The following PHACTR2 variants were observed in gnomAD, a reference collection of about 807,000 sequenced individuals.
The protein encoded by PHACTR2 is phosphatase and actin regulator 2.
Under a neutral mutation model 76.0 loss-of-function variants are expected in PHACTR2, and 30 were observed. That is an observed-to-expected ratio of 0.39 (90% confidence interval 0.30 to 0.54). The LOEUF is 0.54. Ranked by LOEUF, PHACTR2 falls within the 20% of genes least tolerant of loss-of-function variation. PHACTR2 has a pLI of 0.61. For synonymous variants in PHACTR2, 292 were observed against 292.5 expected (o/e 1.00, Z 0.02); for missense variants, 696 against 781.1 (o/e 0.89, Z 1.30).
rs1186375439 is a variant in PHACTR2, at chr6:143,658,182, G to T, written c.13+49860G>T. 6.6e-6 allele frequency among the ~76,000 whole-genome samples: 1 copy of T among 152,104 alleles called. No homozygotes were observed. The highest frequency in any genetic ancestry group is 6.6e-5 in the Admixed American group (1 of 15,264). On this transcript the variant is annotated intron_variant, in intron 1 of 11. Transcript: ENST00000305766. The surrounding 1 kb of genome is among the most constrained non-coding windows in gnomAD (Gnocchi z 4.1). ...AGTAGAATTTCTGAGTCATAGGGTA[G>T]GTGTATGTTTAACATTACAGAAACT...
Position 143,687,613 on chromosome 6 carries a change from A to G in PHACTR2, c.46+9404A>G, listed in dbSNP as rs75304349. Among the ~76,000 whole-genome samples, 236 of 152,348 alleles carry G rather than the reference A, an allele frequency of 1.5e-3. 3 individuals carry two copies. In the East Asian group the frequency reaches 0.024, roughly 15 times the overall value. ...GAATGGGCAAATCACATTACTTGCT[A>G]AAAGGTCGGTCTAACCATTATCATT... On this transcript the variant is annotated intron_variant, in intron 1 of 12. Transcript: ENST00000440869.
At position 143,689,062 on chromosome 6, in the gene PHACTR2, A is replaced by G. The variant is rs1312091516; in HGVS notation, c.46+10853A>G. ...AAACAAGCCTGGATCAGTCCCACCC[A>G]TGGACCTTGGCCGTTGCTGCACCCT... On this transcript the variant is annotated intron_variant, in intron 1 of 12. Coordinates refer to ENST00000440869, the MANE Select transcript of PHACTR2 (RefSeq NM_001100164.2). This position sits in a 1 kb window ranked among gnomAD's most constrained non-coding sequence, Gnocchi z 4.4. 6.6e-6 allele frequency among the ~76,000 whole-genome samples: 1 copy of G among 151,994 alleles called. No individual in the cohort carries two copies. Among genetic ancestry groups the G allele is most frequent in the Non-Finnish European group, 1.5e-5 (1 of 67,980 alleles).
At chr6:143,587,937 C>T (rs1775646728) in intron 1 of PHACTR2, among the ~76,000 whole-genome samples, 1 of 151,882 alleles carries the variant, frequency 6.6e-6, no homozygotes, top group South Asian at 2.1e-4. Context: ...TGCTTGAGTT[C>T]GGGAAGCAGT....
intron 1 of PHACTR2, among the ~76,000 whole-genome samples, chr6:143,559,714 T>C (rs1582670383): frequency 7.6e-6 from 1 of 130,886 alleles, no homozygotes; most frequent in African/African-American, 2.9e-5. Flanking sequence ...TTTTTTTTTT[T>C]TTTTTTTTTT....
rs917446424 is a variant in PHACTR2, at chr6:143,829,151, T to A, written c.*5462T>A. The A allele has an allele frequency of 4.6e-5, 7 of 150,756 alleles. No individual in the cohort carries two copies. Among genetic ancestry groups the A allele is most frequent in the African/African-American group, 1.7e-4 (7 of 40,998 alleles). 9.3% of individuals were successfully genotyped at this position (150,756 alleles called of 1,614,324 possible). A position where few individuals can be genotyped will look rare whatever the true frequency, so the allele number is the denominator to read the frequency against. On this transcript the variant is annotated 3_prime_UTR_variant, in exon 13 of 13. Transcript: ENST00000440869. ...CCTATATATATATACTTAAAGTCCC[T>A]ATATATACTTAAAGGAGAGATCATA...
intron 2 of PHACTR2, among the ~76,000 whole-genome samples, chr6:143,725,709 C>A (rs1055139379): frequency 6.6e-6 from 1 of 151,924 alleles, no homozygotes; most frequent in Admixed American, 6.5e-5. Context: ...CGCCTGTAAT[C>A]CCAGCTACTG....
chr6:143,770,422 G>A (rs1775075191), intron 6 of PHACTR2, among the ~76,000 whole-genome samples: 1 of 152,192 alleles, frequency 6.6e-6, no homozygotes, highest in Non-Finnish European at 1.5e-5. Flanking sequence ...GAAGATGGTT[G>A]GTGGTGGTAG....
rs116401337 is a variant in PHACTR2 at position 143,738,857 on chromosome 6, C to T, written c.215-10128C>T. ...AAGATTTCTTTTCTATCTAATCTTG[C>T]TTGCTGTTGACTGATGAAATGAGAT... On this transcript the variant is annotated intron_variant, in intron 2 of 12. Transcript: ENST00000440869. The surrounding 1 kb of genome is among the most constrained non-coding windows in gnomAD (Gnocchi z 4.0). 0.01 allele frequency among the ~76,000 whole-genome samples: 1,542 copies of T among 152,192 alleles called. 14 individuals carry two copies. Among genetic ancestry groups the T allele is most frequent in the Middle Eastern group, 0.034 (10 of 294 alleles).
Position 143,550,966 on chromosome 6 carries a change from A to G in PHACTR2, c.217+13759A>G, listed in dbSNP as rs1775086721. Among the ~76,000 whole-genome samples the G allele has an allele frequency of 6.6e-6, 1 of 151,952 alleles. No homozygotes were observed. Among genetic ancestry groups the G allele is most frequent in the Non-Finnish European group, 1.5e-5 (1 of 67,938 alleles). On this transcript the variant is annotated intron_variant, in intron 1 of 11. Coordinates refer to the PHACTR2 transcript ENST00000367584. The surrounding 1 kb of genome is among the most constrained non-coding windows in gnomAD (Gnocchi z 4.8). ...GGCAGGAGGATCACTTGAGCCTGGG[A>G]GGTTGAGACTACATGAACCATGATT... is the stretch of plus-strand genomic sequence containing the variant.
upstream of PHACTR2, among the ~76,000 whole-genome samples, chr6:143,677,099 A>C (rs943828655): frequency 2.6e-5 from 4 of 152,350 alleles, no homozygotes. Flanking sequence ...TGCCTTCAGC[A>C]AAGTGCACAC....
At position 143,816,970 on chromosome 6, in the gene PHACTR2, G is replaced by T. The variant is rs1035001877; in HGVS notation, c.1923-6704G>T. ...ATTCCCAGCTACTTGGGAGGCTGAG[G>T]CAGGAGAATCTCTTGAATCCAGGAG... On this transcript the variant is annotated intron_variant, in intron 12 of 12. Transcript: ENST00000440869. The surrounding 1 kb of genome is among the most constrained non-coding windows in gnomAD (Gnocchi z 4.5). Among the ~76,000 whole-genome samples the T allele has an allele frequency of 3.9e-5, 6 of 152,142 alleles. No homozygotes were observed. Among genetic ancestry groups the T allele is most frequent in the African/African-American group, 1.4e-4 (6 of 41,454 alleles).
chr6:143,567,366 T>C (rs1775378251), intron 1 of PHACTR2, among the ~76,000 whole-genome samples: 1 of 152,128 alleles, frequency 6.6e-6, no homozygotes, highest in Non-Finnish European at 1.5e-5. Context: ...CTTTGATTTT[T>C]ATTATTTATT....
intron 1 of PHACTR2, among the ~76,000 whole-genome samples, chr6:143,576,294 T>G (rs1047401785): frequency 6.6e-6 from 1 of 152,216 alleles, no homozygotes; most frequent in Non-Finnish European, 1.5e-5. Context: ...CTTTGGAAGG[T>G]CTCTCTTCTC....
At chr6:143,568,032 T>A (rs999429686) in intron 1 of PHACTR2, among the ~76,000 whole-genome samples, 2 of 152,216 alleles carry the variant, frequency 1.3e-5, no homozygotes, top group Non-Finnish European at 2.9e-5. Context: ...AATTTTACCC[T>A]TTCTAAATTC....
chr6:143,593,757 G>A (rs892439152), intron 1 of PHACTR2, among the ~76,000 whole-genome samples: 4 of 152,088 alleles, frequency 2.6e-5, no homozygotes, highest in African/African-American at 7.2e-5. Flanking sequence ...GAATGCCCAC[G>A]AGGAGCTTAT....
chr6:143,735,068 A>C (rs1435742755), intron 2 of PHACTR2, among the ~76,000 whole-genome samples: 2 of 152,168 alleles, frequency 1.3e-5, no homozygotes, highest in Non-Finnish European at 2.9e-5. Flanking sequence ...TCTCACTTAG[A>C]ATATAAGATG....
At position 143,678,004 on chromosome 6, in the gene PHACTR2, C is replaced by T. The variant is rs970528151; in HGVS notation, c.-160C>T. 3 of 1,455,624 alleles carry T rather than the reference C, an allele frequency of 2.1e-6. No homozygotes were observed. Among genetic ancestry groups the T allele is most frequent in the East Asian group, 5.8e-5 (2 of 34,650 alleles). The allele number at this position is 1,455,624 out of a possible 1,614,324, so 90.2% of individuals were successfully genotyped here. A position where few individuals can be genotyped will look rare whatever the true frequency, so the allele number is the denominator to read the frequency against. On this transcript the variant is annotated 5_prime_UTR_variant, in exon 1 of 13. Coordinates refer to ENST00000440869, the MANE Select transcript of PHACTR2 (RefSeq NM_001100164.2). The surrounding 1 kb of genome is among the most constrained non-coding windows in gnomAD (Gnocchi z 6.2). Reference sequence around the variant, plus strand: ...ATCCGCCGCGCCGGCTGCGGCCGGCCGGGCTGGGAGACCCGCGCGGGGTAG... The same window carrying T: ...ATCCGCCGCGCCGGCTGCGGCCGGCTGGGCTGGGAGACCCGCGCGGGGTAG...
chr6:143,632,204 G>A (rs1184793639), intron 1 of PHACTR2, among the ~76,000 whole-genome samples: 3 of 152,186 alleles, frequency 2.0e-5, no homozygotes, highest in Non-Finnish European at 4.4e-5. Context: ...CTCGAGCACT[G>A]CCTCAAACTC....
chr6:143,799,119 G>A (rs1057273283), intron 11 of PHACTR2, among the ~76,000 whole-genome samples: 2 of 151,948 alleles, frequency 1.3e-5, no homozygotes, highest in Non-Finnish European at 2.9e-5. Context: ...CTTGGGAGGG[G>A]GTATGTGTCC....
Sources: gnomAD v4.1 joint callset for allele counts (sites outside exome capture counted in the v4.1 genomes callset) on GRCh38, gnomAD v4.1.1 for gene constraint, Gnocchi (gnomAD v3.1) non-coding constraint, MANE v1.5 for transcripts, NCBI Gene and HGNC (gene_info 2026-07-23, HGNC 2026-07-21) for gene names.